The following TENM4 variants were observed in gnomAD, a reference collection of about 807,000 sequenced individuals.
TENM4 encodes teneurin transmembrane protein 4.
A neutral mutation model predicts 243.3 loss-of-function variants in TENM4; 82 were observed. That is an observed-to-expected ratio of 0.34 (90% CI 0.28 to 0.40). The LOEUF is 0.40. TENM4 is among the 10% of genes least tolerant of loss of function. TENM4 has a pLI of 1.00. For synonymous variants in TENM4, 1,412 were observed against 1,456.3 expected (o/e 0.97, Z 0.69); for missense variants, 3,138 against 3,673.3 (o/e 0.85, Z 3.77).
In TENM4 at chr11:79,037,570, C is replaced by T. The variant is rs913166544; in HGVS notation, c.493+27168G>A. 2.0e-5 allele frequency among the ~76,000 whole-genome samples: 3 copies of T among 152,180 alleles called. No homozygotes were observed. In the South Asian group the frequency reaches 6.2e-4, roughly 32 times the overall value. ...TTTCATTTGGCTTCATTTTTTTAAGCTGTTGGTTACTAGAGCTTAAGTCCA... is the reference window on the plus strand; with the variant it reads ...TTTCATTTGGCTTCATTTTTTTAAGTTGTTGGTTACTAGAGCTTAAGTCCA... On this transcript the variant is annotated intron_variant, in intron 6 of 33. Coordinates refer to ENST00000278550, the MANE Select transcript of TENM4 (RefSeq NM_001098816.3).
At chr11:78,879,850 C>T (rs1026139816) in intron 9 of TENM4, among the ~76,000 whole-genome samples, 8 of 151,728 alleles carry the variant, frequency 5.3e-5, no homozygotes, top group Non-Finnish European at 1.0e-4. Context: ...GCCTGGCTGC[C>T]CCGTCTGGGA....
Position 79,393,172 on chromosome 11 carries a change from C to T in TENM4, c.-321+47337G>A, listed in dbSNP as rs1858271625. ...CAGTCAACTGAGTGCTTACTGTATG[C>T]CAGGTAGATTACTGGGTTTAGACCT... On this transcript the variant is annotated intron_variant, in intron 1 of 33. Transcript: ENST00000278550. Among the ~76,000 whole-genome samples the T allele has an allele frequency of 2.6e-5, 4 of 152,098 alleles. No individual in the cohort carries two copies. In the South Asian group the frequency reaches 6.2e-4, roughly 24 times the overall value.
At chr11:79,071,873 A>G (rs891830248) in intron 4 of TENM4, among the ~76,000 whole-genome samples, 1 of 152,194 alleles carries the variant, frequency 6.6e-6, no homozygotes, top group Non-Finnish European at 1.5e-5. Context: ...AACTACATAG[A>G]CTGCAATGCC....
intron 28 of TENM4, among the ~76,000 whole-genome samples, chr11:78,695,680 T>G (rs143587899): frequency 6.6e-6 from 1 of 152,056 alleles, no homozygotes; most frequent in East Asian, 1.9e-4. Flanking sequence ...GTTTTTCTTT[T>G]TTTTTTTCTT....
chr11:79,081,767 G>T (rs1284731291), intron 4 of TENM4, among the ~76,000 whole-genome samples: 1 of 152,132 alleles, frequency 6.6e-6, no homozygotes, highest in African/African-American at 2.4e-5. Flanking sequence ...GCAGGGGCAG[G>T]GCGGGCCTAG....
At chr11:79,328,038 C>A (rs1857002091) in intron 1 of TENM4, among the ~76,000 whole-genome samples, 1 of 152,190 alleles carries the variant, frequency 6.6e-6, no homozygotes, top group African/African-American at 2.4e-5. Flanking sequence ...GAAAAGCTTC[C>A]TTTGAAAGGC....
intron 9 of TENM4, among the ~76,000 whole-genome samples, chr11:78,879,146 T>C (rs1859345936): frequency 6.7e-6 from 1 of 149,430 alleles, no homozygotes; most frequent in African/African-American, 2.5e-5. Flanking sequence ...GGAGCACCTC[T>C]GCCCGGCCAC....
At chr11:79,129,092 A>G (rs1455590782) in intron 4 of TENM4, among the ~76,000 whole-genome samples, 1 of 152,202 alleles carries the variant, frequency 6.6e-6, no homozygotes, top group Non-Finnish European at 1.5e-5. Flanking sequence ...TCCTGAACAC[A>G]TACCCCCACT....
chr11:79,293,052 G>T (rs1181678523), intron 2 of TENM4, among the ~76,000 whole-genome samples: 2 of 152,120 alleles, frequency 1.3e-5, no homozygotes, highest in Admixed American at 6.5e-5. Context: ...ATGCAGGATG[G>T]TAAGTACTTT....
At chr11:79,394,895 C>T (rs945789236) in intron 1 of TENM4, among the ~76,000 whole-genome samples, 5 of 152,218 alleles carry the variant, frequency 3.3e-5, no homozygotes, top group Admixed American at 6.5e-5. Context: ...CAGCTGCAAG[C>T]CAAGGAGCAC....
intron 31 of TENM4, among the ~76,000 whole-genome samples, chr11:78,671,477 T>A (rs1032509777): frequency 6.6e-6 from 1 of 152,238 alleles, no homozygotes; most frequent in African/African-American, 2.4e-5. Context: ...GATCAGCAGA[T>A]AAAAGGCCTA....
At chr11:79,309,936 A>T (rs1441862180) in intron 1 of TENM4, among the ~76,000 whole-genome samples, 1 of 152,198 alleles carries the variant, frequency 6.6e-6, no homozygotes, top group Admixed American at 6.5e-5. Flanking sequence ...CTGCCAAGAT[A>T]ATCTGGGTCT....
intron 1 of TENM4, among the ~76,000 whole-genome samples, chr11:79,364,254 G>A (rs1243286953): frequency 2.0e-5 from 3 of 152,206 alleles, no homozygotes. Context: ...GCACTGGAGA[G>A]GAAGCAGTGA....
At chr11:78,865,807 G>T (rs932847352) in intron 9 of TENM4, among the ~76,000 whole-genome samples, 1 of 152,210 alleles carries the variant, frequency 6.6e-6, no homozygotes, top group African/African-American at 2.4e-5. Context: ...TGTGGGACCA[G>T]AGGAAAGAAA....
At chr11:78,786,101 G>A (rs1204502657) in intron 16 of TENM4, among the ~76,000 whole-genome samples, 1 of 152,218 alleles carries the variant, frequency 6.6e-6, no homozygotes, top group Non-Finnish European at 1.5e-5. Flanking sequence ...AATAAACCAA[G>A]CAAAACGTCT....
At chr11:78,884,460 C>G (rs1855506513) in intron 9 of TENM4, among the ~76,000 whole-genome samples, 1 of 20,656 alleles carries the variant, frequency 4.8e-5, no homozygotes, top group Non-Finnish European at 1.4e-3. Context: ...TGTTCCAGCC[C>G]AGGGCTATTA....
chr11:78,751,334 T>C (rs1856187608), intron 19 of TENM4, among the ~76,000 whole-genome samples: 1 of 152,222 alleles, frequency 6.6e-6, no homozygotes, highest in Non-Finnish European at 1.5e-5. Flanking sequence ...GTCCCCTGAC[T>C]TCTTGAGCCT....
intron 19 of TENM4, among the ~76,000 whole-genome samples, chr11:78,751,307 T>C (rs1276311673): frequency 6.6e-6 from 1 of 152,186 alleles, no homozygotes; most frequent in Non-Finnish European, 1.5e-5. Flanking sequence ...TGGTCACCCA[T>C]CCTTCCTTTT....
In TENM4 at chr11:78,986,599, C is replaced by G. The variant is rs998958459; in HGVS notation, c.493+78139G>C. Among the ~76,000 whole-genome samples the G allele has an allele frequency of 1.3e-5, 2 of 152,188 alleles. 1 individual carries two copies. The highest frequency in any genetic ancestry group is 4.1e-4 in the South Asian group (2 of 4,826). On this transcript the variant is annotated intron_variant, in intron 6 of 33. Transcript: ENST00000278550. ...TTGTTTTTTGAGACAGAGTCTCGCT[C>G]TGTCGTCCGCCTAGAGCGCAGTGGT...
Sources: gnomAD v4.1 joint callset for allele counts (sites outside exome capture counted in the v4.1 genomes callset) on GRCh38, gnomAD v4.1.1 for gene constraint, MANE v1.5 for transcripts, NCBI Gene and HGNC (gene_info 2026-07-23, HGNC 2026-07-21) for gene names.